GLMN: variants seen among roughly 807,000 people sequenced by gnomAD.
The protein encoded by GLMN is glomulin, FKBP associated protein.
Under a neutral mutation model 87.8 loss-of-function variants are expected in GLMN, and 75 were observed. The observed-to-expected ratio is 0.85, with a 90% CI of 0.71 to 1.04. GLMN has a LOEUF of 1.04. Ranked by LOEUF, GLMN falls within the 50% of genes least tolerant of loss-of-function variation. The pLI is 0.00. For synonymous variants in GLMN, 206 were observed against 221.6 expected (o/e 0.93, Z 0.63); for missense variants, 588 against 658.8 (o/e 0.89, Z 1.18).
chr1:92,248,182 C>A, intron 16 of GLMN, 193 bp from the exon 17 acceptor site: 1 of 531,828 alleles, frequency 1.9e-6, no homozygotes, highest in Non-Finnish European at 3.4e-6. Context: ...ACTTGGGGCA[C>A]TACGCTTATC....
chr1:92,298,609 G>A (rs1650449104), intron 1 of GLMN, among the ~76,000 whole-genome samples: 1 of 152,164 alleles, frequency 6.6e-6, no homozygotes, highest in Non-Finnish European at 1.5e-5. Context: ...TGAAATCACT[G>A]TATCACACGG....
At chr1:92,296,062 G>GTA (rs1425548883) in intron 3 of GLMN, among the ~76,000 whole-genome samples, 1 of 152,064 alleles carries the variant, frequency 6.6e-6, no homozygotes, top group Non-Finnish European at 1.5e-5. Context: ...AAAATAAGAA[G>GTA]GGTATAAGCC....
chr1:92,294,270 T>C (rs996709156), intron 3 of GLMN, among the ~76,000 whole-genome samples: 7 of 152,022 alleles, frequency 4.6e-5, no homozygotes, highest in African/African-American at 1.7e-4. Context: ...TTAAAAAAAA[T>C]CTGATCTAGG....
rs552442311 is a variant in GLMN at position 92,289,033 on chromosome 1, A to C, written c.513T>G (p.Tyr171Ter). Reference sequence around the variant, plus strand: ...AGGCCTTGCAACACTGACAAAGGCCATAGTCATCCATTTGTATTTGTTCTT... The same window carrying C: ...AGGCCTTGCAACACTGACAAAGGCCCTAGTCATCCATTTGTATTTGTTCTT... ...YSKEQIQMDDYGLCQCCKALI... is the reference protein window; with the variant it reads ...YSKEQIQMDD The change falls in exon 6 of 19, where the codon TAT becomes TAG. Residue 171 changes from tyrosine (Y) to a stop codon, truncating the protein, a stop_gained. Coordinates refer to ENST00000370360, the MANE Select transcript of GLMN (RefSeq NM_053274.3). LOFTEE classifies it high-confidence loss of function. 1.2e-6 allele frequency: 2 copies of C among 1,606,670 alleles called. No homozygotes were observed. The highest frequency in any genetic ancestry group is 3.3e-5 in the Admixed American group (2 of 59,998).
chr1:92,253,453 C>T (rs1227284014), intron 16 of GLMN, among the ~76,000 whole-genome samples: 1 of 152,214 alleles, frequency 6.6e-6, no homozygotes, highest in Non-Finnish European at 1.5e-5. Context: ...GGGTCCCTGA[C>T]CCCTCGTGCT....
At chr1:92,301,583 T>A, upstream of GLMN, 1 of 1,413,018 alleles carries the variant, frequency 7.1e-7, no homozygotes, top group Non-Finnish European at 9.7e-7. Context: ...GAGTTCCTAA[T>A]GGAGTGTGTA....
At chr1:92,305,630 A>G in the GLMN span, among the ~76,000 whole-genome samples, 1 of 152,014 alleles carries the variant, frequency 6.6e-6, no homozygotes, top group Non-Finnish European at 1.5e-5. Flanking sequence ...TTAACTGACC[A>G]TAGAATCATA....
At chr1:92,247,734 G>A (rs1388634703) in intron 17 of GLMN, 144 bp downstream of exon 17, 17 of 605,674 alleles carry the variant, frequency 2.8e-5, no homozygotes, top group Non-Finnish European at 5.0e-5. Flanking sequence ...GATCTGCTAA[G>A]AATTTTAACT....
At chr1:92,366,009 C>G in the GLMN span, among the ~76,000 whole-genome samples, 1 of 152,202 alleles carries the variant, frequency 6.6e-6, no homozygotes, top group Non-Finnish European at 1.5e-5. Context: ...ACTTGGAAAT[C>G]ACGATAGCTT....
At chr1:92,318,856 G>T in the GLMN span, among the ~76,000 whole-genome samples, 1 of 152,150 alleles carries the variant, frequency 6.6e-6, no homozygotes, top group African/African-American at 2.4e-5. Flanking sequence ...TTTCAGGAGA[G>T]AAATGAGTAC....
At chr1:92,342,763 G>A in the GLMN span, among the ~76,000 whole-genome samples, 1 of 152,154 alleles carries the variant, frequency 6.6e-6, no homozygotes, top group African/African-American at 2.4e-5. Flanking sequence ...CATGGGATGT[G>A]AGAGAGTCAA....
the GLMN span, chr1:92,304,140 G>GT: frequency 2.3e-6 from 3 of 1,322,392 alleles, no homozygotes; most frequent in Middle Eastern, 1.8e-4. Flanking sequence ...ATACTTTGTT[G>GT]TAAGAATAAG....
At chr1:92,340,527 C>T in the GLMN span, among the ~76,000 whole-genome samples, 4 of 152,196 alleles carry the variant, frequency 2.6e-5, no homozygotes, top group Admixed American at 6.5e-5. Context: ...CAGTGATTCT[C>T]AAGCCAGTTG....
chr1:92,366,393 C>T, the GLMN span, among the ~76,000 whole-genome samples: 1 of 152,174 alleles, frequency 6.6e-6, no homozygotes, highest in African/African-American at 2.4e-5. Flanking sequence ...TGAAAAACAA[C>T]ATCAATAACA....
At chr1:92,320,923 CTTT>C in the GLMN span, among the ~76,000 whole-genome samples, 1 of 152,200 alleles carries the variant, frequency 6.6e-6, no homozygotes, top group Non-Finnish European at 1.5e-5. Context: ...TACCATGCTT[CTTT>C]GTCAACTAGA....
At chr1:92,312,418 C>CAA in the GLMN span, among the ~76,000 whole-genome samples, 1 of 146,736 alleles carries the variant, frequency 6.8e-6, no homozygotes, top group African/African-American at 2.5e-5. Flanking sequence ...GACCGTGTCT[C>CAA]AAAAAAAAAA....
the GLMN span, among the ~76,000 whole-genome samples, chr1:92,342,355 G>A: frequency 6.6e-6 from 1 of 152,186 alleles, no homozygotes; most frequent in East Asian, 1.9e-4. Context: ...TATTTAGGTT[G>A]CTGGTGAGGC....
the GLMN span, among the ~76,000 whole-genome samples, chr1:92,351,507 G>C: frequency 2.6e-5 from 4 of 152,056 alleles, no homozygotes; most frequent in South Asian, 6.2e-4. Context: ...GATTTAACTG[G>C]TATTTTGAGA....
the GLMN span, among the ~76,000 whole-genome samples, chr1:92,337,023 C>T: frequency 6.6e-6 from 1 of 152,056 alleles, no homozygotes; most frequent in Non-Finnish European, 1.5e-5. Flanking sequence ...TTCTCTCTAC[C>T]AAGAAGCATA....
Sources: allele counts gnomAD v4.1 joint callset (sites outside exome capture counted in the v4.1 genomes callset), GRCh38; gene constraint gnomAD v4.1.1; transcripts MANE v1.5; gene names NCBI Gene and HGNC (gene_info 2026-07-23, HGNC 2026-07-21).